Variants in PCNT observed in about 807,000 individuals in gnomAD.
The protein encoded by PCNT is pericentrin.
A neutral mutation model predicts 380.4 loss-of-function variants in PCNT; 319 were observed. That is an observed-to-expected ratio of 0.84 (90% CI 0.77 to 0.92). The LOEUF is 0.92. Ranked by LOEUF, PCNT falls within the 40% of genes least tolerant of loss-of-function variation. The pLI is 0.00. For missense variants in PCNT, 4,400 were observed against 4,255.3 expected (o/e 1.03, Z -0.95); for synonymous variants, 1,845 against 1,735.2 (o/e 1.06, Z -1.57).
intron 34 of PCNT, 80 bp from the exon 35 acceptor site, chr21:46,428,315 T>G: frequency 7.5e-7 from 1 of 1,331,052 alleles, no homozygotes. Flanking sequence ...CGGAGCTGGT[T>G]TTGAGGGCGG....
At chr21:46,360,213 ATTTTTTTTT>A (rs71318070) in intron 13 of PCNT, among the ~76,000 whole-genome samples, 14 of 82,476 alleles carry the variant, frequency 1.7e-4, no homozygotes, top group African/African-American at 3.1e-4. Context: ...ATAGTTGGCA[ATTTTTTTTT>A]TTTTTTTTTT....
chr21:46,325,003 C>T (rs1183309406), intron 1 of PCNT: 4 of 984,586 alleles, frequency 4.1e-6, no homozygotes, highest in Non-Finnish European at 4.8e-6. Context: ...TGCCGGGAAC[C>T]CACGCGGCGC....
At chr21:46,437,733 G>A (rs1158845934) in intron 40 of PCNT, among the ~76,000 whole-genome samples, 2 of 152,198 alleles carry the variant, frequency 1.3e-5, no homozygotes, top group Admixed American at 1.3e-4. Flanking sequence ...CTCTGGCCCC[G>A]CCAGCTGAAC....
chr21:46,327,036 A>G (rs926445860), intron 2 of PCNT, among the ~76,000 whole-genome samples: 1 of 151,344 alleles, frequency 6.6e-6, no homozygotes, highest in Non-Finnish European at 1.5e-5. Flanking sequence ...CAGTGAGTAA[A>G]TTTTTATGGT....
At chr21:46,403,353 T>C (rs893462038) in intron 27 of PCNT, among the ~76,000 whole-genome samples, 5 of 139,808 alleles carry the variant, frequency 3.6e-5, no homozygotes, top group Non-Finnish European at 7.8e-5. Flanking sequence ...ACGCGGCGCG[T>C]GCTCGGTGAA....
chr21:46,428,274 A>G (rs2087593162), intron 34 of PCNT, 121 bp from the exon 35 acceptor site: 1 of 882,980 alleles, frequency 1.1e-6, no homozygotes, highest in African/African-American at 1.7e-5. Context: ...GATACTGTGC[A>G]CCCATCCCAG....
Position 46,327,912 on chromosome 21 carries a change from A to C in PCNT, c.267+1323A>C, listed in dbSNP as rs927520135. 2.0e-5 allele frequency among the ~76,000 whole-genome samples: 3 copies of C among 152,182 alleles called. 1 individual carries two copies. Among genetic ancestry groups the C allele is most frequent in the Non-Finnish European group, 4.4e-5 (3 of 68,036 alleles). ...ATGGGCAGGTGTGGCAGGTGAGTGC[A>C]CACTGAGTCCTGAAGGGGCTGGCCT... On this transcript the variant is annotated intron_variant, in intron 2 of 46. Coordinates refer to ENST00000359568, the MANE Select transcript of PCNT (RefSeq NM_006031.6).
At chr21:46,359,890 G>T (rs1223335230) in intron 13 of PCNT, among the ~76,000 whole-genome samples, 4 of 149,574 alleles carry the variant, frequency 2.7e-5, no homozygotes, top group Non-Finnish European at 5.9e-5. Flanking sequence ...TTTGAGACAG[G>T]CTATTGCCCA....
chr21:46,444,096 G>C (rs1014559365), intron 45 of PCNT, 148 bp downstream of exon 45: 22 of 861,166 alleles, frequency 2.6e-5, no homozygotes, highest in Admixed American at 2.0e-4. Context: ...TGAGGGCCAA[G>C]AAGTCCCGCC....
rs1325048704 is a variant in PCNT, at chr21:46,397,251, G to A, written c.4217-14G>A. On this transcript the variant is annotated splice_polypyrimidine_tract_variant and intron_variant, in intron 21 of 46. Transcript: ENST00000359568. ...GCGGGGGTGTCCCCGTGTCTGTCCT[G>A]TTTGCATCCTTAGCTCTCCGGAAGG... The A allele has an allele frequency of 3.1e-6, 5 of 1,609,020 alleles. No individual in the cohort carries two copies. Among genetic ancestry groups the A allele is most frequent in the African/African-American group, 1.3e-5 (1 of 74,924 alleles).
rs779621529 is a variant in PCNT at position 46,346,769 on chromosome 21, G to A, written c.747G>A (p.Ala249=). The A allele has an allele frequency of 2.0e-5, 32 of 1,596,828 alleles. No homozygotes were observed. The highest frequency in any genetic ancestry group is 1.0e-4 in the South Asian group (9 of 88,118). ...SQAVHGLELE[A]LRLSLSNMHT... ...CCGTGCATGGCCTTGAGCTGGAGGC[G>A]CTGCGCCTGAGTCTGAGCAACATGC... is the stretch of plus-strand genomic sequence containing the variant. The change falls in exon 5 of 47, where the codon GCG becomes GCA. Residue 249 remains alanine, a synonymous_variant. Coordinates refer to ENST00000359568, the MANE Select transcript of PCNT (RefSeq NM_006031.6).
In PCNT at chr21:46,353,981, C is replaced by T. The variant is rs770800936; in HGVS notation, c.1680-6C>T. On this transcript the variant is annotated splice_region_variant and splice_polypyrimidine_tract_variant and intron_variant, in intron 10 of 46. Coordinates refer to ENST00000359568, the MANE Select transcript of PCNT (RefSeq NM_006031.6). ...GTAAAGCTTTTATAAAATGTTTTCC[C>T]TTCAGGTTGTCCTGTGTGGGTTTAG... 10 of 1,612,296 alleles carry T rather than the reference C, an allele frequency of 6.2e-6. No individual in the cohort carries two copies. Among genetic ancestry groups the T allele is most frequent in the Admixed American group, 1.7e-5 (1 of 60,004 alleles).
At chr21:46,347,078 G>A in intron 5 of PCNT, 80 bp downstream of exon 5, 1 of 1,517,060 alleles carries the variant, frequency 6.6e-7, no homozygotes, top group Non-Finnish European at 8.9e-7. Flanking sequence ...TTGGGGTTGG[G>A]AGCTGGGGCG....
At chr21:46,431,329 A>T (rs1222196266) in intron 37 of PCNT, 200 bp from the exon 38 acceptor site, 4 of 1,435,078 alleles carry the variant, frequency 2.8e-6, no homozygotes, top group African/African-American at 1.4e-5. Flanking sequence ...TTCCGAAAAA[A>T]GTATGTCATC....
chr21:46,378,549 G>A (rs549190336), intron 15 of PCNT, among the ~76,000 whole-genome samples: 4 of 151,994 alleles, frequency 2.6e-5, no homozygotes, highest in Non-Finnish European at 5.9e-5. Context: ...GATGACCCCC[G>A]GCCTGGCCTG....
intron 38 of PCNT, among the ~76,000 whole-genome samples, chr21:46,435,583 T>C (rs1453052666): frequency 6.7e-6 from 1 of 148,172 alleles, no homozygotes; most frequent in Non-Finnish European, 1.5e-5. Flanking sequence ...CACTCTGTTG[T>C]CCAGGCTGAA....
In PCNT at chr21:46,401,233, A is replaced by G. The variant is rs116328527; in HGVS notation, c.4792-318A>G. On this transcript the variant is annotated intron_variant, in intron 25 of 46. Coordinates refer to ENST00000359568, the MANE Select transcript of PCNT (RefSeq NM_006031.6). ...TGAGCATACCATCAGCCATTGCCCT[A>G]TTTTTTTTGGCAAGTTCTTGTCAGT... 7.1e-3 allele frequency among the ~76,000 whole-genome samples: 1,081 copies of G among 152,088 alleles called. 15 individuals carry two copies. Among genetic ancestry groups the G allele is most frequent in the African/African-American group, 0.025 (1,028 of 41,486 alleles).
chr21:46,383,378 T>C (rs1223483036), intron 16 of PCNT, among the ~76,000 whole-genome samples: 1 of 146,626 alleles, frequency 6.8e-6, no homozygotes, highest in Non-Finnish European at 1.5e-5. Flanking sequence ...TTCACCATGT[T>C]GTATATTCAG....
At chr21:46,347,431 T>C (rs2146561588) in intron 5 of PCNT, 26 bp from the exon 6 acceptor site, 2 of 1,613,864 alleles carry the variant, frequency 1.2e-6, no homozygotes, top group Middle Eastern at 1.7e-4. Context: ...TGGAGTGGCC[T>C]GAGCTGCTTT....
Sources: allele counts gnomAD v4.1 joint callset (sites outside exome capture counted in the v4.1 genomes callset), GRCh38; gene constraint gnomAD v4.1.1; transcripts MANE v1.5; gene names NCBI Gene and HGNC (gene_info 2026-07-23, HGNC 2026-07-21).